The following HDAC5 variants were observed in gnomAD, a reference collection of about 807,000 sequenced individuals.
HDAC5 encodes histone deacetylase 5.
Under a neutral mutation model 133.3 loss-of-function variants are expected in HDAC5, and 25 were observed. That is an observed-to-expected ratio of 0.19 (90% CI 0.14 to 0.26). HDAC5 has a LOEUF of 0.26. Ranked by LOEUF, HDAC5 falls within the 10% of genes least tolerant of loss-of-function variation. The probability of loss-of-function intolerance (pLI) is 1.00; values close to 1 mark genes in which losing one functional copy is unlikely to be tolerated. For synonymous variants in HDAC5, 589 were observed against 610.8 expected (o/e 0.96, Z 0.53); for missense variants, 1,041 against 1,460.5 (o/e 0.71, Z 4.68).
chr17:44,084,805 C>G, intron 15 of HDAC5, 130 bp from the exon 16 acceptor site: 1 of 1,342,934 alleles, frequency 7.4e-7, no homozygotes, highest in Non-Finnish European at 1.0e-6. Flanking sequence ...AAAGTAGATC[C>G]TGGCTCTGTC....
chr17:44,120,779 C>T (rs1197224166), intron 1 of HDAC5, among the ~76,000 whole-genome samples: 1 of 151,860 alleles, frequency 6.6e-6, no homozygotes, highest in African/African-American at 2.4e-5. Flanking sequence ...GACATCCCAC[C>T]CAAAGGTCAA....
intron 1 of HDAC5, 77 bp downstream of exon 1, chr17:44,123,427 A>G: frequency 2.8e-6 from 1 of 356,914 alleles, no homozygotes; most frequent in Non-Finnish European, 5.0e-6. Flanking sequence ...GCGGACAGAG[A>G]CAGCAGGAGG....
chr17:44,097,451 T>G (rs770258623), intron 3 of HDAC5, among the ~76,000 whole-genome samples: 1 of 87,988 alleles, frequency 1.1e-5, no homozygotes, highest in Admixed American at 1.4e-4. Context: ...TCCCAACCCA[T>G]GTCCTGCCCC....
At chr17:44,122,713 G>A (rs974714807) in intron 1 of HDAC5, among the ~76,000 whole-genome samples, 2 of 152,090 alleles carry the variant, frequency 1.3e-5, no homozygotes, top group African/African-American at 4.8e-5. Flanking sequence ...AGGGCCCCAG[G>A]GAAGGGTGGG....
At chr17:44,102,961 C>T (rs2051711722) in intron 3 of HDAC5, among the ~76,000 whole-genome samples, 1 of 152,202 alleles carries the variant, frequency 6.6e-6, no homozygotes, top group Admixed American at 6.5e-5. Context: ...GCTACCGCCC[C>T]CGGCCCAGGT....
intron 2 of HDAC5, chr17:44,111,774 C>G (rs1407064954): frequency 2.2e-6 from 1 of 458,874 alleles, no homozygotes; most frequent in Admixed American, 2.3e-5. Context: ...CCCGCTCATT[C>G]TGGAGTGTCG....
At chr17:44,118,112 G>A (rs1383757419) in intron 1 of HDAC5, among the ~76,000 whole-genome samples, 1 of 152,192 alleles carries the variant, frequency 6.6e-6, no homozygotes, top group Non-Finnish European at 1.5e-5. Context: ...CAGAAGTGAA[G>A]GGAGAAACTG....
chr17:44,121,623 G>T (rs866633372), intron 1 of HDAC5, among the ~76,000 whole-genome samples: 3 of 150,336 alleles, frequency 2.0e-5, no homozygotes, highest in Non-Finnish European at 4.4e-5. Context: ...CCCACTATGC[G>T]GGAACACAAA....
intron 3 of HDAC5, 122 bp from the exon 4 acceptor site, chr17:44,093,956 A>G: frequency 7.9e-7 from 1 of 1,261,672 alleles, no homozygotes; most frequent in Non-Finnish European, 1.0e-6. Context: ...ACAGAGAGGA[A>G]GTCAAATCCC....
chr17:44,082,438 G>A (rs1223802354), intron 20 of HDAC5, 147 bp downstream of exon 20: 12 of 631,590 alleles, frequency 1.9e-5, no homozygotes, highest in East Asian at 2.7e-5. Flanking sequence ...GAGCCCCAGC[G>A]CCCTTCCTTC....
chr17:44,079,085 C>T (rs2050256235), intron 24 of HDAC5, 59 bp downstream of exon 24: 1 of 1,586,562 alleles, frequency 6.3e-7, no homozygotes, highest in South Asian at 1.1e-5. Flanking sequence ...GCTGGCTGAC[C>T]CCTTGCTGGC....
intron 2 of HDAC5, 94 bp from the exon 3 acceptor site, chr17:44,110,894 C>T (rs748529959): frequency 1.3e-4 from 141 of 1,078,560 alleles, no homozygotes; most frequent in Middle Eastern, 2.5e-4. Flanking sequence ...GGGAGGGGGC[C>T]GCCAGAGGCG....
In HDAC5 at chr17:44,079,235, C is replaced by G. The variant is rs1221046116; in HGVS notation, c.2987G>C (p.Gly996Ala). The stretch of plus-strand genomic sequence containing the variant: ...TCCCTCCAGGGCCAGCACCACCCGG[C>G]CCCCTGCCAGGGTCATCAGCTGCCT... ...LTRQLMTLAGGRVVLALEGGH... is the reference protein window; with the variant it reads ...LTRQLMTLAGARVVLALEGGH... The change falls in exon 24 of 27, where the codon GGC (glycine) becomes GCC (alanine). Residue 996 changes from glycine (G) to alanine (A), a missense_variant. Transcript: ENST00000682912. 1 of 1,613,474 alleles carries G rather than the reference C, an allele frequency of 6.2e-7. No homozygotes were observed. Among genetic ancestry groups the G allele is most frequent in the South Asian group, 1.1e-5 (1 of 91,018 alleles).
chr17:44,093,553 C>T (rs891022450), intron 4 of HDAC5, 22 bp downstream of exon 4: 1 of 1,598,244 alleles, frequency 6.3e-7, no homozygotes, highest in African/African-American at 1.3e-5. Flanking sequence ...TCTGGGCGGC[C>T]CCCCGCACCC....
rs776625974 is a variant in HDAC5 at position 44,087,713 on chromosome 17, G to T, written c.1600-17C>A. 1.9e-6 allele frequency: 3 copies of T among 1,552,996 alleles called. No individual in the cohort carries two copies. Among genetic ancestry groups the T allele is most frequent in the Non-Finnish European group, 2.6e-6 (3 of 1,148,074 alleles). On this transcript the variant is annotated splice_polypyrimidine_tract_variant and intron_variant, in intron 12 of 26. Transcript: ENST00000682912. ...GGTGAGGATCTGATAACAGAATATG[G>T]GGGCACATCAGCTGGGAGTTGGGGA...
intron 11 of HDAC5, among the ~76,000 whole-genome samples, chr17:44,090,098 T>C (rs1283249443): frequency 6.6e-6 from 1 of 151,520 alleles, no homozygotes; most frequent in African/African-American, 2.4e-5. Context: ...CCAGGCGCGG[T>C]GGCAGGCGCC....
At chr17:44,113,272 T>C (rs1598030405) in intron 2 of HDAC5, among the ~76,000 whole-genome samples, 1 of 152,086 alleles carries the variant, frequency 6.6e-6, no homozygotes, top group East Asian at 1.9e-4. Context: ...GAAACAGGAC[T>C]TCCTGCTTAG....
chr17:44,119,800 G>C (rs2052874522), intron 1 of HDAC5, among the ~76,000 whole-genome samples: 1 of 152,176 alleles, frequency 6.6e-6, no homozygotes, highest in South Asian at 2.1e-4. Context: ...AACCTGAGCT[G>C]TTTGTTCCCA....
At chr17:44,108,714 T>C (rs767499683) in intron 3 of HDAC5, among the ~76,000 whole-genome samples, 2 of 137,956 alleles carry the variant, frequency 1.4e-5, no homozygotes, top group Non-Finnish European at 3.1e-5. Flanking sequence ...AAGGTTAAAG[T>C]GTTTCTATTT....
Sources: allele counts gnomAD v4.1 joint callset (sites outside exome capture counted in the v4.1 genomes callset), GRCh38; gene constraint gnomAD v4.1.1; transcripts MANE v1.5; gene names NCBI Gene and HGNC (gene_info 2026-07-23, HGNC 2026-07-21).